Variants in PACS1 observed in about 807,000 individuals in gnomAD.
PACS1 encodes PACS-1.
A neutral mutation model predicts 115.0 loss-of-function variants in PACS1; 24 were observed. The observed-to-expected ratio is 0.21, with a 90% confidence interval of 0.15 to 0.29. PACS1 has a LOEUF of 0.29. Ranked by LOEUF, PACS1 falls within the 10% of genes least tolerant of loss-of-function variation. The pLI is 1.00. For synonymous variants in PACS1, 453 were observed against 504.5 expected, an observed-to-expected ratio of 0.90 and a Z score of 1.37; for missense variants, 838 against 1,251.2, an observed-to-expected ratio of 0.67 and a Z score of 4.98.
At chr11:66,199,264 G>A (rs557238638) in intron 2 of PACS1, among the ~76,000 whole-genome samples, 16 of 149,488 alleles carry the variant, frequency 1.1e-4, no homozygotes, top group Middle Eastern at 3.4e-3. Context: ...GCAGTGAGCC[G>A]AGATCGCACC....
intron 1 of PACS1, among the ~76,000 whole-genome samples, chr11:66,132,161 G>T (rs1858719874): frequency 6.6e-6 from 1 of 152,132 alleles, no homozygotes; most frequent in Admixed American, 6.5e-5. Context: ...CTGGATTATG[G>T]GGGCGGTTTC....
chr11:66,095,101 G>T (rs1857749965), intron 1 of PACS1, among the ~76,000 whole-genome samples: 1 of 149,860 alleles, frequency 6.7e-6, no homozygotes, highest in Admixed American at 6.6e-5. Flanking sequence ...TACTGAATGG[G>T]CAAAAACTGG....
intron 2 of PACS1, among the ~76,000 whole-genome samples, chr11:66,205,236 C>T (rs1410996609): frequency 6.6e-6 from 1 of 152,154 alleles, no homozygotes; most frequent in Non-Finnish European, 1.5e-5. Context: ...CTGCCCGCCT[C>T]AGCGTCCCAA....
chr11:66,108,291 G>A (rs1172589392), intron 1 of PACS1, among the ~76,000 whole-genome samples: 1 of 152,144 alleles, frequency 6.6e-6, no homozygotes, highest in Non-Finnish European at 1.5e-5. Context: ...GAGAGCATAT[G>A]TAAGCCCTTG....
chr11:66,070,625 C>G lies in PACS1; in HGVS notation c.139C>G (p.Pro47Ala). 6.5e-7 allele frequency: 1 copy of G among 1,544,940 alleles called. No homozygotes were observed. ...GCAGCAGCCGCCGCAGCAGCCGACG[C>G]CCCCCAAGCTGGCCCAGGCCACCTC... Reference protein sequence around the residue: ...QQQQPPQQPTPPKLAQATSSS... With the variant: ...QQQQPPQQPTAPKLAQATSSS... Residue 47 changes from proline to alanine, a missense_variant, in exon 1 of 24, where the codon CCC becomes GCC. By Grantham distance (27) the Pro-to-Ala change is conservative. Coordinates refer to ENST00000320580, the MANE Select transcript of PACS1 (RefSeq NM_018026.4). The surrounding 1 kb of genome is among the most constrained non-coding windows in gnomAD (Gnocchi z 5.9).
rs1162472902 is a variant in PACS1, at chr11:66,134,254, CTTTT to C, written c.357-59210_357-59207del. On this transcript the variant is annotated intron_variant, in intron 1 of 23. Coordinates refer to ENST00000320580, the MANE Select transcript of PACS1 (RefSeq NM_018026.4). ...TAAATTTCTTTTTCTTTTTCTTTTT[CTTTT>C]TTTTTTTTTTTTTTTTTTTTTGAGA... 5.6e-3 allele frequency among the ~76,000 whole-genome samples: 422 copies of C among 75,062 alleles called. 4 individuals are homozygous for C. In the East Asian group the frequency reaches 0.12, roughly 22 times the overall value. The allele number at this position is 75,062 out of a possible 152,430, so 49.2% of individuals were successfully genotyped here. A position where few individuals can be genotyped will look rare whatever the true frequency, so the allele number is the denominator to read the frequency against.
chr11:66,109,525 A>G (rs1337522560), intron 1 of PACS1, among the ~76,000 whole-genome samples: 2 of 152,180 alleles, frequency 1.3e-5, no homozygotes, highest in Non-Finnish European at 2.9e-5. Context: ...ACCCATCTTT[A>G]TAGTAACAAG....
intron 22 of PACS1, 97 bp downstream of exon 22, chr11:66,241,750 A>G: frequency 1.0e-6 from 1 of 979,640 alleles, no homozygotes; most frequent in Non-Finnish European, 1.5e-6. Flanking sequence ...GATATTTGGG[A>G]TGAAGAAGCA....
chr11:66,210,552 C>G lies in PACS1; in HGVS notation c.534+101C>G, dbSNP rs12288526. The G allele has an allele frequency of 1.6e-3, 1,485 of 900,454 alleles. 17 individuals carry two copies. The African/African-American group carries it at 0.021, about 13-fold the overall frequency. 55.8% of individuals were successfully genotyped at this position (900,454 alleles called of 1,614,324 possible). ...CTGTTTTATCCCAGAGCCCCCATTC[C>G]CCAACTTGGGCAGGAATGAATAAAA... On this transcript the variant is annotated intron_variant, in intron 3 of 23. Coordinates refer to ENST00000320580, the MANE Select transcript of PACS1 (RefSeq NM_018026.4).
intron 2 of PACS1, among the ~76,000 whole-genome samples, chr11:66,196,871 T>TA (rs1180537819): frequency 6.6e-6 from 1 of 152,158 alleles, no homozygotes; most frequent in Non-Finnish European, 1.5e-5. Flanking sequence ...GTGCTGGGAT[T>TA]ACAGGCATGA....
chr11:66,187,028 G>A (rs1854396956), intron 1 of PACS1, among the ~76,000 whole-genome samples: 1 of 152,198 alleles, frequency 6.6e-6, no homozygotes. Flanking sequence ...CCGGCTCAGT[G>A]TAGTGGTTTT....
intron 2 of PACS1, among the ~76,000 whole-genome samples, chr11:66,204,625 A>G (rs995715560): frequency 1.3e-5 from 2 of 152,198 alleles, no homozygotes; most frequent in Admixed American, 6.5e-5. Flanking sequence ...CAGCCATAAA[A>G]AAGAATGAGT....
chr11:66,105,383 A>G (rs545145072), intron 1 of PACS1, among the ~76,000 whole-genome samples: 2 of 152,322 alleles, frequency 1.3e-5, no homozygotes, highest in Non-Finnish European at 2.9e-5. Flanking sequence ...AGACTGCGCC[A>G]TTGCACTCCA....
At chr11:66,102,987 C>T (rs188942901) in intron 1 of PACS1, among the ~76,000 whole-genome samples, 10 of 152,126 alleles carry the variant, frequency 6.6e-5, no homozygotes, top group Non-Finnish European at 1.5e-4. Flanking sequence ...CGTGCCACCA[C>T]GCCCAGCTAA....
At chr11:66,109,160 G>T (rs1390911735) in intron 1 of PACS1, among the ~76,000 whole-genome samples, 2 of 152,196 alleles carry the variant, frequency 1.3e-5, no homozygotes, top group African/African-American at 4.8e-5. Flanking sequence ...TATGCCAGCT[G>T]CAGGGGATAT....
intron 5 of PACS1, 36 bp from the exon 6 acceptor site, chr11:66,216,484 C>T (rs1342149620): frequency 1.9e-6 from 3 of 1,568,210 alleles, no homozygotes; most frequent in Non-Finnish European, 2.6e-6. Context: ...CAGATCTTCC[C>T]ATTGCAAGGT....
chr11:66,109,176 A>G (rs1359476951), intron 1 of PACS1, among the ~76,000 whole-genome samples: 1 of 152,152 alleles, frequency 6.6e-6, no homozygotes, highest in African/African-American at 2.4e-5. Flanking sequence ...GATATCCCGT[A>G]CCCTCCACCA....
chr11:66,186,976 G>A (rs904893947), intron 1 of PACS1, among the ~76,000 whole-genome samples: 1 of 152,142 alleles, frequency 6.6e-6, no homozygotes, highest in Non-Finnish European at 1.5e-5. Flanking sequence ...TGAACTTCAC[G>A]TGGATGGTAA....
At chr11:66,086,001 A>G (rs1434185704) in intron 1 of PACS1, among the ~76,000 whole-genome samples, 1 of 152,134 alleles carries the variant, frequency 6.6e-6, no homozygotes, top group African/African-American at 2.4e-5. Flanking sequence ...TGGCGATATG[A>G]TTTTCTAAAA....
Sources: allele counts gnomAD v4.1 joint callset (sites outside exome capture counted in the v4.1 genomes callset), GRCh38; gene constraint gnomAD v4.1.1; non-coding constraint Gnocchi (gnomAD v3.1); transcripts MANE v1.5; gene names NCBI Gene and HGNC (gene_info 2026-07-23, HGNC 2026-07-21).